ARSK: variants seen among roughly 807,000 people sequenced by gnomAD.
The protein encoded by ARSK is arylsulfatase family member K, also known as arylsulfatase K.
In ARSK, 37 loss-of-function variants were observed where a neutral mutation model predicts 53.2. The observed-to-expected ratio is 0.70, with a 90% CI of 0.54 to 0.92. The LOEUF (loss-of-function observed/expected upper bound fraction) is 0.92. Among genes scored for constraint, ARSK ranks in the 40% least tolerant of loss-of-function variants. The pLI is 0.00. For synonymous variants in ARSK, 208 were observed against 223.2 expected, an observed-to-expected ratio of 0.93 and a Z score of 0.61; for missense variants, 613 against 643.0, an observed-to-expected ratio of 0.95 and a Z score of 0.51.
intron 1 of ARSK, among the ~76,000 whole-genome samples, chr5:95,558,883 G>T (rs1748578469): frequency 6.6e-6 from 1 of 152,338 alleles, no homozygotes; most frequent in African/African-American, 2.4e-5. Flanking sequence ...GCTCACACCT[G>T]TAATCCCAGC....
chr5:95,599,238 G>A lies in ARSK; in HGVS notation c.1097-1609G>A, dbSNP rs73147970. 7.6e-3 allele frequency among the ~76,000 whole-genome samples: 1,163 copies of A among 152,286 alleles called. 16 individuals carry two copies. Among genetic ancestry groups the A allele is most frequent in the African/African-American group, 0.026 (1,091 of 41,556 alleles). On this transcript the variant is annotated intron_variant, in intron 6 of 7. Coordinates refer to ENST00000380009, the MANE Select transcript of ARSK (RefSeq NM_198150.3). ...TCTCATAAACACAGGAGAAACATAA[G>A]TTTCTTAGTCTTCCAAGCTTCCTTA...
intron 1 of ARSK, among the ~76,000 whole-genome samples, chr5:95,558,869 G>A (rs1748575691): frequency 1.3e-5 from 2 of 152,272 alleles, no homozygotes; most frequent in South Asian, 2.1e-4. Context: ...GGCCGGGCGC[G>A]GTGGCTCACA....
intron 1 of ARSK, among the ~76,000 whole-genome samples, chr5:95,560,243 A>G (rs543323825): frequency 6.6e-6 from 1 of 152,324 alleles, no homozygotes; most frequent in Non-Finnish European, 1.5e-5. Context: ...TATTGTTAAT[A>G]TAGCAGTACT....
chr5:95,586,932 A>G (rs1351711376), intron 5 of ARSK, among the ~76,000 whole-genome samples, 199 bp downstream of exon 5: 2 of 152,182 alleles, frequency 1.3e-5, no homozygotes, highest in Non-Finnish European at 2.9e-5. Flanking sequence ...AAATTCTCAG[A>G]TTCATAAATG....
chr5:95,577,765 A>C (rs919889307), intron 3 of ARSK, among the ~76,000 whole-genome samples: 5 of 152,210 alleles, frequency 3.3e-5, no homozygotes, highest in African/African-American at 1.2e-4. Context: ...CTTTTCTTTG[A>C]AATATATTTA....
intron 3 of ARSK, 127 bp downstream of exon 3, chr5:95,568,176 T>C (rs1028906977): frequency 3.0e-6 from 3 of 1,009,402 alleles, no homozygotes; most frequent in Non-Finnish European, 2.8e-6. Flanking sequence ...CCCTTCATTG[T>C]GTTAATTAGG....
At chr5:95,574,564 G>A (rs1481973106) in intron 3 of ARSK, among the ~76,000 whole-genome samples, 2 of 152,070 alleles carry the variant, frequency 1.3e-5, no homozygotes, top group African/African-American at 2.4e-5. Flanking sequence ...TCTCATTATA[G>A]TTTTGATTTG....
chr5:95,568,124 ATTTTTTTATTT>A (rs1158509138), intron 3 of ARSK, 75 bp downstream of exon 3: 3 of 1,399,726 alleles, frequency 2.1e-6, no homozygotes, highest in Non-Finnish European at 2.9e-6. Flanking sequence ...TTTGACTTTA[ATTTTTTTATTT>A]TTCCACAAAG....
chr5:95,566,510 T>C (rs1473783440), intron 2 of ARSK, among the ~76,000 whole-genome samples: 2 of 152,312 alleles, frequency 1.3e-5, no homozygotes, highest in East Asian at 3.9e-4. Flanking sequence ...CATTAGAGTA[T>C]ACCATAAAGT....
At chr5:95,581,659 C>T (rs1271803821) in intron 3 of ARSK, among the ~76,000 whole-genome samples, 1 of 152,184 alleles carries the variant, frequency 6.6e-6, no homozygotes, top group Non-Finnish European at 1.5e-5. Context: ...CTGAGTTCTA[C>T]CACACATACT....
chr5:95,582,603 A>G (rs1261474553), intron 3 of ARSK, among the ~76,000 whole-genome samples: 1 of 152,166 alleles, frequency 6.6e-6, no homozygotes, highest in African/African-American at 2.4e-5. Context: ...AAAATCCAGT[A>G]AATAAGGAGA....
rs1264917955 is a variant in ARSK at position 95,555,219 on chromosome 5, G to A, written c.-60G>A. 3.3e-6 allele frequency: 5 copies of A among 1,513,410 alleles called. No homozygotes were observed. The highest frequency in any genetic ancestry group is 3.6e-4 in the Middle Eastern group (2 of 5,506). The allele number at this position is 1,513,410 out of a possible 1,614,324, so 93.7% of individuals were successfully genotyped here. Reference sequence around the variant, plus strand: ...GCTGTCCCTGCCCTGCTCTGCTAGGGAGAGAACGCCAGAGGGAGGCGGCTG... The same window carrying A: ...GCTGTCCCTGCCCTGCTCTGCTAGGAAGAGAACGCCAGAGGGAGGCGGCTG... On this transcript the variant is annotated 5_prime_UTR_variant, in exon 1 of 8. Transcript: ENST00000380009. The surrounding 1 kb of genome is among the most constrained non-coding windows in gnomAD (Gnocchi z 4.0).
chr5:95,574,499 C>A (rs1009705252), intron 3 of ARSK, among the ~76,000 whole-genome samples: 1 of 152,142 alleles, frequency 6.6e-6, no homozygotes, highest in Non-Finnish European at 1.5e-5. Context: ...CATATCCTCG[C>A]CAGCATTTGT....
chr5:95,594,234 A>G lies in ARSK; in HGVS notation c.1096+2609A>G, dbSNP rs554721829. On this transcript the variant is annotated intron_variant, in intron 6 of 7. Coordinates refer to ENST00000380009, the MANE Select transcript of ARSK (RefSeq NM_198150.3). Reference sequence around the variant, plus strand: ...CAGTGATAATGGTAGAAAGAGAACAATGCAACAAAAACCTTATGCTGGAGC... The same window carrying G: ...CAGTGATAATGGTAGAAAGAGAACAGTGCAACAAAAACCTTATGCTGGAGC... Among the ~76,000 whole-genome samples the G allele has an allele frequency of 2.0e-5, 3 of 152,296 alleles. 1 individual carries two copies. In the South Asian group the frequency reaches 6.2e-4, roughly 32 times the overall value.
intron 3 of ARSK, among the ~76,000 whole-genome samples, chr5:95,570,467 AC>A (rs1478265340): frequency 6.6e-6 from 1 of 152,162 alleles, no homozygotes; most frequent in Admixed American, 6.5e-5. Context: ...GCAGTCAGAT[AC>A]CCAGCTTCCC....
chr5:95,585,646 C>T (rs1469325544), intron 4 of ARSK, among the ~76,000 whole-genome samples: 1 of 152,106 alleles, frequency 6.6e-6, no homozygotes, highest in African/African-American at 2.4e-5. Flanking sequence ...ATACAGTGGA[C>T]TTTGGGGACT....
In ARSK at chr5:95,599,900, T is replaced by C. The variant is rs146194323; in HGVS notation, c.1097-947T>C. Among the ~76,000 whole-genome samples, 362 of 152,312 alleles carry C rather than the reference T, an allele frequency of 2.4e-3. 2 individuals are homozygous for C. The highest frequency in any genetic ancestry group is 8.5e-3 in the African/African-American group (352 of 41,574). On this transcript the variant is annotated intron_variant, in intron 6 of 7. Coordinates refer to ENST00000380009, the MANE Select transcript of ARSK (RefSeq NM_198150.3). The stretch of plus-strand genomic sequence containing the variant: ...TAATTTCTAACATTACAGATATAAT[T>C]CTATTTTTCATTGGAAATATTTATA...
chr5:95,564,791 T>C (rs773998119), intron 1 of ARSK, among the ~76,000 whole-genome samples: 1 of 152,196 alleles, frequency 6.6e-6, no homozygotes, highest in African/African-American at 2.4e-5. Flanking sequence ...TCTTTCTCAG[T>C]TTCCCATGCT....
chr5:95,566,839 T>C lies in ARSK; in HGVS notation c.256+712T>C, dbSNP rs149880983. Among the ~76,000 whole-genome samples the C allele has an allele frequency of 6.6e-5, 10 of 152,304 alleles. No homozygotes were observed. The South Asian group carries it at 2.1e-3, about 32-fold the overall frequency. ...ATGGCACTCAGTGATTTGGTTTGTC[T>C]GTAAATGAGATGATTTTCTCTGTGA... On this transcript the variant is annotated intron_variant, in intron 2 of 7. Transcript: ENST00000380009.
Sources: allele counts gnomAD v4.1 joint callset (sites outside exome capture counted in the v4.1 genomes callset), GRCh38; gene constraint gnomAD v4.1.1; non-coding constraint Gnocchi (gnomAD v3.1); transcripts MANE v1.5; gene names NCBI Gene and HGNC (gene_info 2026-07-23, HGNC 2026-07-21).